The following ZNF382 variants were observed in gnomAD, a reference collection of about 807,000 sequenced individuals.
ZNF382 encodes the protein zinc finger protein 382.
Under a neutral mutation model 38.8 loss-of-function variants are expected in ZNF382, and 20 were observed. The ratio of observed to expected loss-of-function variants is 0.51; its 90% CI spans 0.36 to 0.75. The LOEUF (loss-of-function observed/expected upper bound fraction) is 0.75, where lower values mean the gene tolerates loss of function less well. Ranked by LOEUF, ZNF382 falls within the 30% of genes least tolerant of loss-of-function variation. The probability of loss-of-function intolerance (pLI) is 0.00; values close to 1 mark genes in which losing one functional copy is unlikely to be tolerated. For synonymous variants in ZNF382, 202 were observed against 223.1 expected, an observed-to-expected ratio of 0.91 and a Z score of 0.84; for missense variants, 546 against 654.1, an observed-to-expected ratio of 0.83 and a Z score of 1.80.
chr19:36,614,931 C>CTTTCCT, intron 4 of ZNF382, among the ~76,000 whole-genome samples: 1 of 75,374 alleles, frequency 1.3e-5, no homozygotes, highest in Non-Finnish European at 2.8e-5. Flanking sequence ...TTCCCTTTCC[C>CTTTCCT]TTTCCCTTTC....
intron 4 of ZNF382, among the ~76,000 whole-genome samples, chr19:36,625,127 T>TATATATATATATAA (rs1305998638): frequency 1.5e-5 from 2 of 132,172 alleles, no homozygotes; most frequent in Admixed American, 7.7e-5. Context: ...TATATATATA[T>TATATATATATATAA]AATGTATACA....
chr19:36,627,455 TATGAATGTAAACA>T lies in ZNF382; in HGVS notation c.1559_1571del (p.Tyr520CysfsTer21). On this transcript the variant is annotated frameshift_variant, in exon 5 of 5. Coordinates refer to ENST00000292928, the MANE Select transcript of ZNF382 (RefSeq NM_032825.5). LOFTEE classifies it high-confidence loss of function. ...GAAAACTCACACAGGCGAGAAACCA[TATGAATGTAAACA>T]GTGTGGGAAGTTCTTCAGTTGTAAG... The T allele has an allele frequency of 6.2e-7, 1 of 1,614,068 alleles. No homozygotes were observed. Among genetic ancestry groups the T allele is most frequent in the Non-Finnish European group, 8.5e-7 (1 of 1,180,010 alleles).
chr19:36,608,550 C>T (rs2037052425), intron 2 of ZNF382: 1 of 152,182 alleles, frequency 6.6e-6, no homozygotes, highest in Non-Finnish European at 1.5e-5. Context: ...TGGTTTTCCT[C>T]AGATGCTAAT....
chr19:36,623,917 T>C (rs528173171), intron 4 of ZNF382, among the ~76,000 whole-genome samples: 1 of 151,932 alleles, frequency 6.6e-6, no homozygotes, highest in Admixed American at 6.6e-5. Flanking sequence ...AGTGAAACCC[T>C]GTCTCTACTA....
At chr19:36,608,899 T>A (rs989409775) in intron 2 of ZNF382, 1 of 152,246 alleles carries the variant, frequency 6.6e-6, no homozygotes, top group Non-Finnish European at 1.5e-5. Flanking sequence ...TACGACCATC[T>A]CTGTTGTAAT....
intron 4 of ZNF382, among the ~76,000 whole-genome samples, chr19:36,612,442 CA>C (rs2037085289): frequency 1.3e-5 from 2 of 152,180 alleles, no homozygotes; most frequent in South Asian, 4.1e-4. Flanking sequence ...TGTGGACATA[CA>C]TGTTTATTTT....
intron 2 of ZNF382, 30 bp downstream of exon 2, chr19:36,607,652 T>C (rs2037045291): frequency 1.3e-6 from 2 of 1,508,488 alleles, no homozygotes; most frequent in African/African-American, 2.8e-5. Flanking sequence ...CTTTCTGAAA[T>C]AACTTTTTTT....
rs919268919 is a variant in ZNF382 at position 36,630,608 on chromosome 19, C to G, written c.*3058C>G. ...TCAGCCTCCCAAAGTGCTGAGATTA[C>G]AGGTGTGAGCCACCGCACCCAGCCG... On this transcript the variant is annotated 3_prime_UTR_variant, in exon 5 of 5. Transcript: ENST00000292928. 3 of 152,116 alleles carry G rather than the reference C, an allele frequency of 2.0e-5. No individual in the cohort carries two copies. Among genetic ancestry groups the G allele is most frequent in the African/African-American group, 7.2e-5 (3 of 41,420 alleles). The allele number at this position is 152,116 out of a possible 1,614,324, so 9.4% of individuals were successfully genotyped here. A position where few individuals can be genotyped will look rare whatever the true frequency, so the allele number is the denominator to read the frequency against.
At chr19:36,610,607 A>G in intron 3 of ZNF382, 43 bp from the exon 4 acceptor site, 1 of 1,525,744 alleles carries the variant, frequency 6.6e-7, no homozygotes, top group Non-Finnish European at 9.0e-7. Context: ...ATAGTTTTAA[A>G]GTCGAAACAG....
At chr19:36,607,361 T>C (rs2037042718) in intron 1 of ZNF382, among the ~76,000 whole-genome samples, 191 bp from the exon 2 acceptor site, 1 of 152,094 alleles carries the variant, frequency 6.6e-6, no homozygotes. Context: ...AGAGACTGGG[T>C]TTCTGGTGTT....
In ZNF382 at chr19:36,623,600, G is replaced by A. The variant is rs145933269; in HGVS notation, c.233-2530G>A. On this transcript the variant is annotated intron_variant, in intron 4 of 4. Coordinates refer to ENST00000292928, the MANE Select transcript of ZNF382 (RefSeq NM_032825.5). The stretch of plus-strand genomic sequence containing the variant: ...AGGCCAGGGGTTCAAGACCCACCAG[G>A]CCAACACAGTGAAACCCCATCTCCG... 1.7e-4 allele frequency among the ~76,000 whole-genome samples: 26 copies of A among 152,044 alleles called. No individual in the cohort carries two copies. The East Asian group carries it at 4.8e-3, about 28-fold the overall frequency.
chr19:36,615,611 A>G lies in ZNF382; in HGVS notation c.232+4869A>G, dbSNP rs2037120197. Among the ~76,000 whole-genome samples, 3 of 152,206 alleles carry G rather than the reference A, an allele frequency of 2.0e-5. No individual in the cohort carries two copies. The South Asian group carries it at 6.2e-4, about 31-fold the overall frequency. ...TTAAACAAAACTAGCCAGCCTCTCA[A>G]GTCATTTCCTTGTTAACTGTTTTTA... On this transcript the variant is annotated intron_variant, in intron 4 of 4. Transcript: ENST00000292928.
chr19:36,627,076 AT>A lies in ZNF382; in HGVS notation c.1180del (p.Tyr394ThrfsTer151). The A allele has an allele frequency of 1.2e-6, 2 of 1,614,202 alleles. No homozygotes were observed. Among genetic ancestry groups the A allele is most frequent in the Non-Finnish European group, 1.7e-6 (2 of 1,180,040 alleles). On this transcript the variant is annotated frameshift_variant, in exon 5 of 5. Coordinates refer to ENST00000292928, the MANE Select transcript of ZNF382 (RefSeq NM_032825.5). LOFTEE classifies it high-confidence loss of function. ...GTGGAAGTGCCTTTAGGAAGAAGTCATACCTCATTGATCACCAGAGAACTCA... is the reference window on the plus strand; with the variant it reads ...GTGGAAGTGCCTTTAGGAAGAAGTCAACCTCATTGATCACCAGAGAACTCA... ...QCGSAFRKKS[Y>X]LIDHQRTHTG...
Position 36,627,706 on chromosome 19 carries a change from ACAC to A in ZNF382, c.*157_*159del, listed in dbSNP as rs1600398057. The A allele has an allele frequency of 1.8e-6, 1 of 558,356 alleles. No individual in the cohort carries two copies. 34.6% of individuals were successfully genotyped at this position (558,356 alleles called of 1,614,324 possible). On this transcript the variant is annotated 3_prime_UTR_variant, in exon 5 of 5. Coordinates refer to ENST00000292928, the MANE Select transcript of ZNF382 (RefSeq NM_032825.5). ...AACACACACACACACACACACACAC[ACAC>A]AAATATTATTAGACAAATTAGATGA... is the stretch of plus-strand genomic sequence containing the variant.
rs2037246531 is a variant in ZNF382 at position 36,630,402 on chromosome 19, C to G, written c.*2852C>G. On this transcript the variant is annotated 3_prime_UTR_variant, in exon 5 of 5. Transcript: ENST00000292928. The stretch of plus-strand genomic sequence containing the variant: ...GAGACAGAGTTTCACTTTTGTTTCC[C>G]AGGCTGGAGTGCAATGGCGCAATTT... 1 of 150,476 alleles carries G rather than the reference C, an allele frequency of 6.6e-6. No individual in the cohort carries two copies. The highest frequency in any genetic ancestry group is 2.1e-4 in the South Asian group (1 of 4,782). 9.3% of individuals were successfully genotyped at this position (150,476 alleles called of 1,614,324 possible). A position where few individuals can be genotyped will look rare whatever the true frequency, so the allele number is the denominator to read the frequency against.
rs750639233 is a variant in ZNF382, at chr19:36,630,981, C to T, written c.*3431C>T. On this transcript the variant is annotated 3_prime_UTR_variant, in exon 5 of 5. Transcript: ENST00000292928. Reference sequence around the variant, plus strand: ...TTTATTTTTTATACATATGGGGTCTCGTTGTGTTGCCCAGGCTGGTATTGA... The same window carrying T: ...TTTATTTTTTATACATATGGGGTCTTGTTGTGTTGCCCAGGCTGGTATTGA... The T allele has an allele frequency of 5.9e-5, 9 of 151,958 alleles. No individual in the cohort carries two copies. The highest frequency in any genetic ancestry group is 9.7e-5 in the African/African-American group (4 of 41,360). 9.4% of individuals were successfully genotyped at this position (151,958 alleles called of 1,614,324 possible). A position where few individuals can be genotyped will look rare whatever the true frequency, so the allele number is the denominator to read the frequency against.
At position 36,628,340 on chromosome 19, in the gene ZNF382, T is replaced by G. The variant is rs1248395558; in HGVS notation, c.*790T>G. 6.6e-6 allele frequency: 1 copy of G among 152,636 alleles called. No homozygotes were observed. Among genetic ancestry groups the G allele is most frequent in the African/African-American group, 2.4e-5 (1 of 41,444 alleles). The allele number at this position is 152,636 out of a possible 1,614,324, so 9.5% of individuals were successfully genotyped here. ...ACTTAGGAGTGGAATCGCTGGGTCTTAGAGCATGTGTGTATTCAGTCAGAT... is the reference window on the plus strand; with the variant it reads ...ACTTAGGAGTGGAATCGCTGGGTCTGAGAGCATGTGTGTATTCAGTCAGAT... On this transcript the variant is annotated 3_prime_UTR_variant, in exon 5 of 5. Transcript: ENST00000292928.
intron 4 of ZNF382, among the ~76,000 whole-genome samples, chr19:36,614,546 A>T (rs556558799): frequency 2.9e-4 from 44 of 152,218 alleles, no homozygotes; most frequent in Non-Finnish European, 3.7e-4. Flanking sequence ...CTAATTCCTG[A>T]AAGCAATTCC....
chr19:36,612,965 G>A (rs576090998), intron 4 of ZNF382, among the ~76,000 whole-genome samples: 1 of 152,044 alleles, frequency 6.6e-6, no homozygotes, highest in South Asian at 2.1e-4. Context: ...CTAATTTTTT[G>A]TATTTTTAGT....
Sources: gnomAD v4.1 joint callset for allele counts (sites outside exome capture counted in the v4.1 genomes callset) on GRCh38, gnomAD v4.1.1 for gene constraint, MANE v1.5 for transcripts, NCBI Gene and HGNC (gene_info 2026-07-23, HGNC 2026-07-21) for gene names.